THRB: variants seen among roughly 807,000 people sequenced by gnomAD.
THRB encodes nuclear receptor subfamily 1 group A member 2.
Under a neutral mutation model 47.8 loss-of-function variants are expected in THRB, and 12 were observed. The ratio of observed to expected loss-of-function variants is 0.25; its 90% CI spans 0.16 to 0.41. The LOEUF (loss-of-function observed/expected upper bound fraction) is 0.41, where lower values mean the gene tolerates loss of function less well. Among genes scored for constraint, THRB ranks in the 10% least tolerant of loss-of-function variants. The probability of loss-of-function intolerance (pLI) is 1.00; values close to 1 mark genes in which losing one functional copy is unlikely to be tolerated. For synonymous variants in THRB, 218 were observed against 212.2 expected (o/e 1.03, Z -0.24); for missense variants, 348 against 589.2 (o/e 0.59, Z 4.24).
chr3:24,140,354 T>G (rs1163996165), intron 8 of THRB, among the ~76,000 whole-genome samples: 30 of 152,308 alleles, frequency 2.0e-4, no homozygotes, highest in African/African-American at 5.8e-4. Flanking sequence ...ATTTTCTTTC[T>G]GAGTTCTGGG....
chr3:24,299,540 A>G (rs1202332562), intron 2 of THRB, among the ~76,000 whole-genome samples: 2 of 151,966 alleles, frequency 1.3e-5, no homozygotes, highest in Non-Finnish European at 2.9e-5. Context: ...AAAAAATTTG[A>G]AAAGATCAAG....
At chr3:24,149,885 A>T (rs2036651626) in intron 6 of THRB, among the ~76,000 whole-genome samples, 1 of 152,218 alleles carries the variant, frequency 6.6e-6, no homozygotes, top group South Asian at 2.1e-4. Flanking sequence ...AAATAAGGAC[A>T]TATATTTCAT....
intron 3 of THRB, among the ~76,000 whole-genome samples, chr3:24,283,919 G>C (rs1365846310): frequency 2.5e-4 from 36 of 141,600 alleles, no homozygotes; most frequent in Admixed American, 2.2e-3. Flanking sequence ...CACTGCTCAA[G>C]GAAATAAAAG....
chr3:24,336,722 C>CCTTTTTTTT (rs1167185445), intron 2 of THRB, among the ~76,000 whole-genome samples: 236 of 135,856 alleles, frequency 1.7e-3, no homozygotes, highest in Middle Eastern at 3.9e-3. Flanking sequence ...AATTCTCATG[C>CCTTTTTTTT]TTTTTTTTTT....
chr3:24,346,734 C>T (rs536829725), intron 1 of THRB, among the ~76,000 whole-genome samples: 1 of 152,038 alleles, frequency 6.6e-6, no homozygotes, highest in East Asian at 1.9e-4. Context: ...GATATGAGCG[C>T]TAAATCTGAA....
At chr3:24,206,740 T>C (rs952034701) in intron 4 of THRB, among the ~76,000 whole-genome samples, 9 of 152,008 alleles carry the variant, frequency 5.9e-5, no homozygotes, top group African/African-American at 9.7e-5. Flanking sequence ...ATCAACAAAA[T>C]TGATAGACTT....
At chr3:24,145,987 G>T (rs1436168847) in intron 7 of THRB, among the ~76,000 whole-genome samples, 7 of 152,142 alleles carry the variant, frequency 4.6e-5, no homozygotes, top group Non-Finnish European at 1.0e-4. Context: ...TAAAGTGACT[G>T]GTGTAAATCC....
At chr3:24,383,957 C>T (rs2065890294) in intron 1 of THRB, among the ~76,000 whole-genome samples, 1 of 152,096 alleles carries the variant, frequency 6.6e-6, no homozygotes, top group South Asian at 2.1e-4. Flanking sequence ...GGTAAATTCT[C>T]AGCAATTAGG....
chr3:24,479,245 T>A (rs954914164), intron 1 of THRB, among the ~76,000 whole-genome samples: 1 of 152,126 alleles, frequency 6.6e-6, no homozygotes, highest in Non-Finnish European at 1.5e-5. Flanking sequence ...GGGCTAGCAG[T>A]GAGCTGAGAT....
intron 4 of THRB, among the ~76,000 whole-genome samples, chr3:24,209,682 G>C (rs1278580455): frequency 6.6e-6 from 1 of 152,130 alleles, no homozygotes; most frequent in Non-Finnish European, 1.5e-5. Flanking sequence ...TCATAGGGTG[G>C]GCGGAGCGGG....
At chr3:24,211,313 T>C (rs1337196556) in intron 4 of THRB, among the ~76,000 whole-genome samples, 1 of 152,234 alleles carries the variant, frequency 6.6e-6, no homozygotes, top group African/African-American at 2.4e-5. Flanking sequence ...TGAATGCTTT[T>C]TTCTTACAAG....
intron 2 of THRB, among the ~76,000 whole-genome samples, chr3:24,317,796 C>G (rs1055090565): frequency 6.6e-6 from 1 of 152,136 alleles, no homozygotes; most frequent in Non-Finnish European, 1.5e-5. Flanking sequence ...GTGGCTCATG[C>G]CTGTAATCCC....
chr3:24,364,044 T>C (rs1429506436), intron 1 of THRB, among the ~76,000 whole-genome samples: 2 of 152,152 alleles, frequency 1.3e-5, no homozygotes, highest in Non-Finnish European at 2.9e-5. Flanking sequence ...ACTGCAAACA[T>C]TAGAATTCTA....
intron 3 of THRB, among the ~76,000 whole-genome samples, chr3:24,279,099 C>A (rs2054246280): frequency 6.6e-6 from 1 of 152,110 alleles, no homozygotes; most frequent in South Asian, 2.1e-4. Flanking sequence ...CTTGTTTTGG[C>A]CTCCCAAAGT....
chr3:24,263,857 T>C (rs542536019), intron 3 of THRB, among the ~76,000 whole-genome samples: 1 of 152,306 alleles, frequency 6.6e-6, no homozygotes, highest in South Asian at 2.1e-4. Context: ...TAATGGACAG[T>C]TGATACTACA....
chr3:24,354,343 C>T (rs2063538890), intron 1 of THRB, among the ~76,000 whole-genome samples: 1 of 151,988 alleles, frequency 6.6e-6, no homozygotes, highest in Admixed American at 6.6e-5. Flanking sequence ...ACCTATGTAA[C>T]AAATCTGAAC....
intron 1 of THRB, among the ~76,000 whole-genome samples, chr3:24,435,274 G>GA (rs1393360829): frequency 6.6e-6 from 1 of 152,158 alleles, no homozygotes; most frequent in East Asian, 1.9e-4. Flanking sequence ...AAGGCAAAGA[G>GA]AAAATCAGAA....
chr3:24,495,034 G>C (rs987005875), upstream of THRB: 1 of 152,234 alleles, frequency 6.6e-6, no homozygotes, highest in Non-Finnish European at 1.5e-5. Flanking sequence ...ACTTTTATAG[G>C]CGTAGGAAGC....
At chr3:24,360,357 G>T (rs945494644) in intron 1 of THRB, among the ~76,000 whole-genome samples, 1 of 152,134 alleles carries the variant, frequency 6.6e-6, no homozygotes, top group African/African-American at 2.4e-5. Flanking sequence ...TAGACCAGCA[G>T]CATCAGCATC....
Sources: gnomAD v4.1 joint callset for allele counts (sites outside exome capture counted in the v4.1 genomes callset) on GRCh38, gnomAD v4.1.1 for gene constraint, MANE v1.5 for transcripts, NCBI Gene and HGNC (gene_info 2026-07-23, HGNC 2026-07-21) for gene names.